CYP7B1: variants seen among roughly 807,000 people sequenced by gnomAD.
The protein encoded by CYP7B1 is cytochrome P450 family 7 subfamily B member 1.
A neutral mutation model predicts 42.7 loss-of-function variants in CYP7B1; 29 were observed. The ratio of observed to expected loss-of-function variants is 0.68; its 90% CI spans 0.51 to 0.93. The LOEUF (loss-of-function observed/expected upper bound fraction) is 0.93. CYP7B1 is among the 40% of genes least tolerant of loss of function. The pLI, the probability that CYP7B1 is intolerant of heterozygous loss-of-function variation, is 0.00. For synonymous variants in CYP7B1, 235 were observed against 218.2 expected (o/e 1.08, Z -0.68); for missense variants, 655 against 600.5 (o/e 1.09, Z -0.95).
At chr8:64,785,733 G>A (rs1007132119) in intron 1 of CYP7B1, among the ~76,000 whole-genome samples, 3 of 152,054 alleles carry the variant, frequency 2.0e-5, no homozygotes, top group African/African-American at 7.2e-5. Context: ...AATAGCAGAG[G>A]CCAGGATTTT....
chr8:64,772,609 C>T (rs901557234), intron 1 of CYP7B1, among the ~76,000 whole-genome samples: 4 of 152,264 alleles, frequency 2.6e-5, no homozygotes, highest in South Asian at 2.1e-4. Flanking sequence ...CAGGCGCACA[C>T]GCACACACAC....
At chr8:64,730,210 T>C (rs1469748035) in intron 1 of CYP7B1, among the ~76,000 whole-genome samples, 18 of 152,032 alleles carry the variant, frequency 1.2e-4, no homozygotes, top group Admixed American at 1.3e-4. Flanking sequence ...TACAGGCACA[T>C]GCCACCATGT....
chr8:64,708,871 G>C (rs1807038959), intron 1 of CYP7B1, among the ~76,000 whole-genome samples: 1 of 152,176 alleles, frequency 6.6e-6, no homozygotes, highest in South Asian at 2.1e-4. Flanking sequence ...AAGCATGTTA[G>C]AGGGGAACCT....
chr8:64,722,092 TTTC>T (rs1807244782), intron 1 of CYP7B1, among the ~76,000 whole-genome samples: 1 of 152,226 alleles, frequency 6.6e-6, no homozygotes, highest in Non-Finnish European at 1.5e-5. Context: ...CTATAATTAA[TTTC>T]TTGTTTAATG....
intron 1 of CYP7B1, among the ~76,000 whole-genome samples, chr8:64,697,701 C>T (rs1806850234): frequency 6.6e-6 from 1 of 152,180 alleles, no homozygotes; most frequent in South Asian, 2.1e-4. Context: ...TGACCATGTT[C>T]ACCAATATGT....
rs1043722361 is a variant in CYP7B1 at position 64,786,184 on chromosome 8, T to C, written c.122+12282A>G. ...CTGCTGGCCCCTCCCAAATCTCATCTTTCTCACATTCCAAAACACAATCAT... is the reference window on the plus strand; with the variant it reads ...CTGCTGGCCCCTCCCAAATCTCATCCTTCTCACATTCCAAAACACAATCAT... On this transcript the variant is annotated intron_variant, in intron 1 of 5. Coordinates refer to ENST00000310193, the MANE Select transcript of CYP7B1 (RefSeq NM_004820.5). Among the ~76,000 whole-genome samples the C allele has an allele frequency of 1.1e-4, 16 of 152,156 alleles. 1 individual carries two copies. Among genetic ancestry groups the C allele is most frequent in the Non-Finnish European group, 1.5e-5 (1 of 68,030 alleles).
At chr8:64,766,335 C>G (rs1807972610) in intron 1 of CYP7B1, among the ~76,000 whole-genome samples, 1 of 152,162 alleles carries the variant, frequency 6.6e-6, no homozygotes. Flanking sequence ...TCACCTGATT[C>G]TATTGAAGGC....
At chr8:64,659,360 T>C (rs935509468) in intron 1 of CYP7B1, among the ~76,000 whole-genome samples, 3 of 152,220 alleles carry the variant, frequency 2.0e-5, no homozygotes, top group Admixed American at 6.5e-5. Flanking sequence ...TGTCTTTGCA[T>C]ACCAGTAAAT....
In CYP7B1 at chr8:64,594,317, A is replaced by G. The variant is rs1805085568; in HGVS notation, c.*2325T>C. Among the ~76,000 whole-genome samples, 1 of 152,210 alleles carries G rather than the reference A, an allele frequency of 6.6e-6. No individual in the cohort carries two copies. The highest frequency in any genetic ancestry group is 1.5e-5 in the Non-Finnish European group (1 of 68,042). The stretch of plus-strand genomic sequence containing the variant: ...GTGTGCACATTATGGATTGCTGTGC[A>G]GCAGTTAGAAGCAATAGATTAAATA... On this transcript the variant is annotated 3_prime_UTR_variant, in exon 6 of 6. Coordinates refer to ENST00000310193, the MANE Select transcript of CYP7B1 (RefSeq NM_004820.5).
intron 1 of CYP7B1, among the ~76,000 whole-genome samples, chr8:64,771,306 C>T (rs568362875): frequency 5.3e-5 from 8 of 151,556 alleles, no homozygotes; most frequent in Admixed American, 1.3e-4. Context: ...ATGATCCGCC[C>T]GCCTCGGCCT....
intron 1 of CYP7B1, among the ~76,000 whole-genome samples, chr8:64,662,032 C>T (rs940940333): frequency 6.6e-6 from 1 of 152,026 alleles, no homozygotes; most frequent in African/African-American, 2.4e-5. Flanking sequence ...CTAGCTTCCT[C>T]CTCTACTAGA....
intron 2 of CYP7B1, among the ~76,000 whole-genome samples, chr8:64,617,900 T>C (rs1490171996): frequency 6.6e-6 from 1 of 151,260 alleles, no homozygotes; most frequent in Non-Finnish European, 1.5e-5. Flanking sequence ...AATATACATG[T>C]GCTATGATTT....
At chr8:64,675,764 T>C (rs547867690) in intron 1 of CYP7B1, among the ~76,000 whole-genome samples, 2 of 152,256 alleles carry the variant, frequency 1.3e-5, no homozygotes, top group African/African-American at 2.4e-5. Context: ...GAGGATGCAC[T>C]TGAAATACCC....
chr8:64,692,423 G>C (rs762706433), intron 1 of CYP7B1, among the ~76,000 whole-genome samples: 1 of 152,168 alleles, frequency 6.6e-6, no homozygotes. Context: ...GATGGAGCCC[G>C]GTCTGAGAGT....
chr8:64,732,694 C>T (rs923158766), intron 1 of CYP7B1: 1 of 152,180 alleles, frequency 6.6e-6, no homozygotes, highest in African/African-American at 2.4e-5. Flanking sequence ...CAATCCAAAT[C>T]TCATCTTGAT....
At chr8:64,734,379 C>A (rs1489305611) in intron 1 of CYP7B1, 5 of 152,164 alleles carry the variant, frequency 3.3e-5, no homozygotes, top group Non-Finnish European at 7.3e-5. Flanking sequence ...ATCAAGGTGA[C>A]AGCAGGTTCA....
At chr8:64,624,951 CTTTTTTTTTTTTTTTTTTTTTTTTTT>C (rs71260892) in intron 1 of CYP7B1, among the ~76,000 whole-genome samples, 4 of 54,062 alleles carry the variant, frequency 7.4e-5, no homozygotes, top group South Asian at 8.1e-4. Context: ...TTATATCATT[CTTTTTTTTTTTTTTTTTTTTTTTTTT>C]TTTTTTTTTT....
intron 1 of CYP7B1, among the ~76,000 whole-genome samples, chr8:64,638,016 A>G (rs762056965): frequency 6.6e-6 from 1 of 152,094 alleles, no homozygotes; most frequent in Non-Finnish European, 1.5e-5. Flanking sequence ...CTAATTTCCC[A>G]AAGTTCTCTT....
At chr8:64,740,112 C>G (rs755165524) in intron 1 of CYP7B1, among the ~76,000 whole-genome samples, 1 of 151,902 alleles carries the variant, frequency 6.6e-6, no homozygotes, top group Non-Finnish European at 1.5e-5. Context: ...AAGAAAAACC[C>G]GTAAAATAAA....
Sources: gnomAD v4.1 joint callset for allele counts (sites outside exome capture counted in the v4.1 genomes callset) on GRCh38, gnomAD v4.1.1 for gene constraint, MANE v1.5 for transcripts, NCBI Gene and HGNC (gene_info 2026-07-23, HGNC 2026-07-21) for gene names.